The following TMEM114 variants were observed in gnomAD, a reference collection of about 807,000 sequenced individuals.
The protein encoded by TMEM114 is transmembrane protein 114, also known as claudin-26.
TMEM114 carries 6 observed loss-of-function variants against 6.2 expected under a neutral mutation model. The ratio of observed to expected loss-of-function variants is 0.97; its 90% CI spans 0.53 to 1.91. TMEM114 has a LOEUF of 1.91. Among genes scored for constraint, TMEM114 ranks in the 40% most tolerant of loss-of-function variants. The pLI is 0.01. For missense variants in TMEM114, 218 were observed against 158.3 expected (o/e 1.38, Z -2.02); for synonymous variants, 104 against 73.0 (o/e 1.42, Z -2.16).
At chr16:8,528,082 G>T in the TMEM114 span, among the ~76,000 whole-genome samples, 1 of 151,842 alleles carries the variant, frequency 6.6e-6, no homozygotes, top group African/African-American at 2.4e-5. Flanking sequence ...CTAAGTTTTG[G>T]TAGAGATGGG....
Position 8,575,399 on chromosome 16 carries a change from C to T in TMEM114, c.302-3175G>A, listed in dbSNP as rs372070740. Among the ~76,000 whole-genome samples the T allele has an allele frequency of 4.7e-4, 72 of 152,262 alleles. 2 individuals are homozygous for T. Among genetic ancestry groups the T allele is most frequent in the African/African-American group, 1.7e-3 (70 of 41,540 alleles). ...CTTGCACGCATGTTGACAGAGTACC[C>T]GTATGATTGACCATCCAAATCACAC... On this transcript the variant is annotated intron_variant, in intron 2 of 3. Coordinates refer to ENST00000620492, the MANE Select transcript of TMEM114 (RefSeq NM_001146336.2).
intron 2 of TMEM114, among the ~76,000 whole-genome samples, chr16:8,538,891 T>C (rs1339163713): frequency 6.6e-6 from 1 of 152,224 alleles, no homozygotes; most frequent in African/African-American, 2.4e-5. Flanking sequence ...TAGATAAATT[T>C]GTCTTATATT....
chr16:8,560,707 G>A (rs1596476825), intron 2 of TMEM114, among the ~76,000 whole-genome samples: 1 of 152,282 alleles, frequency 6.6e-6, no homozygotes, highest in East Asian at 1.9e-4. Flanking sequence ...TTCAGGGCAT[G>A]AGAACATGCT....
At chr16:8,564,393 G>A (rs867168290) in intron 2 of TMEM114, among the ~76,000 whole-genome samples, 3 of 148,516 alleles carry the variant, frequency 2.0e-5, no homozygotes, top group Non-Finnish European at 3.0e-5. Flanking sequence ...GAGGGAATGA[G>A]TGAGTGAGTG....
chr16:8,563,138 T>A (rs1228114642), intron 2 of TMEM114, among the ~76,000 whole-genome samples: 1 of 144,924 alleles, frequency 6.9e-6, no homozygotes, highest in African/African-American at 2.6e-5. Flanking sequence ...TGTGAATGAG[T>A]AAATGAGTGA....
the TMEM114 span, among the ~76,000 whole-genome samples, chr16:8,527,669 T>A: frequency 6.6e-6 from 1 of 152,106 alleles, no homozygotes; most frequent in Admixed American, 6.6e-5. Context: ...TTGAGGGTGG[T>A]AGTTTTGGGC....
chr16:8,581,017 A>T (rs1902130876), intron 2 of TMEM114, among the ~76,000 whole-genome samples: 1 of 152,176 alleles, frequency 6.6e-6, no homozygotes, highest in Admixed American at 6.5e-5. Flanking sequence ...CAGATCTGAA[A>T]ATAGAGTATG....
intron 2 of TMEM114, among the ~76,000 whole-genome samples, chr16:8,576,584 A>T (rs910828926): frequency 6.6e-6 from 1 of 152,136 alleles, no homozygotes; most frequent in African/African-American, 2.4e-5. Flanking sequence ...GACCTGGAAA[A>T]TTTCTTCTTT....
chr16:8,538,749 G>A (rs920140136), intron 2 of TMEM114, among the ~76,000 whole-genome samples: 21 of 151,992 alleles, frequency 1.4e-4, no homozygotes, highest in Middle Eastern at 3.4e-3. Flanking sequence ...CTCGTGATCC[G>A]CCCACCTCGG....
chr16:8,554,406 A>C (rs1482567844), intron 2 of TMEM114, among the ~76,000 whole-genome samples: 1 of 151,950 alleles, frequency 6.6e-6, no homozygotes, highest in Non-Finnish European at 1.5e-5. Flanking sequence ...TAATAATAAT[A>C]ATAATAATAA....
At chr16:8,538,163 G>T (rs1022468087) in intron 2 of TMEM114, among the ~76,000 whole-genome samples, 5 of 146,788 alleles carry the variant, frequency 3.4e-5, no homozygotes, top group African/African-American at 1.0e-4. Context: ...AACTTCGCTG[G>T]TCATGGTGGT....
At chr16:8,552,171 T>A (rs1900864972) in intron 2 of TMEM114, among the ~76,000 whole-genome samples, 1 of 151,692 alleles carries the variant, frequency 6.6e-6, no homozygotes, top group Non-Finnish European at 1.5e-5. Flanking sequence ...AGCCAGGAAT[T>A]TGAGACCAGC....
Position 8,584,858 on chromosome 16 carries a change from G to T in TMEM114, c.301+4355C>A, listed in dbSNP as rs182777389. ...AATTGCTTAAATCCAGGAGGCGGAG[G>T]TTGCAGTGAGCCGAGATCGCGCCAT... On this transcript the variant is annotated intron_variant, in intron 2 of 3. Transcript: ENST00000620492. Among the ~76,000 whole-genome samples, 6 of 149,100 alleles carry T rather than the reference G, an allele frequency of 4.0e-5. No individual in the cohort carries two copies. The South Asian group carries it at 1.3e-3, about 32-fold the overall frequency.
At chr16:8,527,430 G>A in the TMEM114 span, among the ~76,000 whole-genome samples, 1 of 152,198 alleles carries the variant, frequency 6.6e-6, no homozygotes, top group Non-Finnish European at 1.5e-5. Context: ...CTGAACCTCA[G>A]TCCTCTTGTC....
chr16:8,567,281 G>T (rs62020624), downstream of TMEM114, among the ~76,000 whole-genome samples: 18,956 of 151,984 alleles, frequency 0.12, 1,418 homozygotes, highest in Middle Eastern at 0.2. Context: ...TTGGTTCATG[G>T]GTTTATCATC....
downstream of TMEM114, among the ~76,000 whole-genome samples, chr16:8,536,037 C>T (rs1900347420): frequency 6.6e-6 from 1 of 152,010 alleles, no homozygotes; most frequent in East Asian, 1.9e-4. Flanking sequence ...ACCAGCCTGT[C>T]CAACGTTGTG....
chr16:8,572,016 G>A (rs72780541), intron 3 of TMEM114, 71 bp downstream of exon 3: 11 of 1,440,634 alleles, frequency 7.6e-6, no homozygotes, highest in Non-Finnish European at 1.0e-5. Flanking sequence ...GTTTGCTGAG[G>A]GTTCATACAC....
chr16:8,575,416 A>G (rs1213226005), intron 2 of TMEM114, among the ~76,000 whole-genome samples: 1 of 152,248 alleles, frequency 6.6e-6, no homozygotes, highest in African/African-American at 2.4e-5. Context: ...TTGACCATCC[A>G]AATCACACTT....
rs1463152577 is a variant in TMEM114 at position 8,589,639 on chromosome 16, C to T, written c.200G>A (p.Gly67Asp). ...CTTACCCCGGCAGGTCCGCCAGAGG[C>T]CGGAGTGGGAGCTCAGAGGCTCGGG... ...SQPEPLSSHS[G>D]LWRTCRVQSP... Residue 67 changes from glycine (G) to aspartate (D), a missense_variant, in exon 1 of 4, where the codon GGC becomes GAC. Transcript: ENST00000620492. 2 of 398,440 alleles carry T rather than the reference C, an allele frequency of 5.0e-6. No individual in the cohort carries two copies. Among genetic ancestry groups the T allele is most frequent in the Admixed American group, 8.8e-5 (2 of 22,722 alleles). The allele number at this position is 398,440 out of a possible 1,614,324, so 24.7% of individuals were successfully genotyped here.
Sources: gnomAD v4.1 joint callset for allele counts (sites outside exome capture counted in the v4.1 genomes callset) on GRCh38, gnomAD v4.1.1 for gene constraint, MANE v1.5 for transcripts, NCBI Gene and HGNC (gene_info 2026-07-23, HGNC 2026-07-21) for gene names.